IRS1: variants seen among roughly 807,000 people sequenced by gnomAD.
IRS1 encodes the protein insulin receptor substrate 1.
In IRS1, 34 loss-of-function variants were observed where a neutral mutation model predicts 65.6. The ratio of observed to expected loss-of-function variants is 0.52; its 90% CI spans 0.39 to 0.69. The LOEUF is 0.69. Among genes scored for constraint, IRS1 ranks in the 30% least tolerant of loss-of-function variants. IRS1 has a pLI of 0.00. For missense variants in IRS1, 1,641 were observed against 1,720.2 expected, an observed-to-expected ratio of 0.95 and a Z score of 0.81; for synonymous variants, 699 against 683.5, an observed-to-expected ratio of 1.02 and a Z score of -0.35.
chr2:226,741,658 C>A (rs896934093), intron 1 of IRS1, among the ~76,000 whole-genome samples: 5 of 152,058 alleles, frequency 3.3e-5, no homozygotes, highest in African/African-American at 1.2e-4. Context: ...TCAGTTACCT[C>A]ACTGCTGATA....
chr2:226,746,074 C>T (rs1278137467), intron 1 of IRS1, among the ~76,000 whole-genome samples: 1 of 152,106 alleles, frequency 6.6e-6, no homozygotes, highest in Non-Finnish European at 1.5e-5. Context: ...AGGGGAAGAT[C>T]TCAAATGAAT....
chr2:226,755,530 T>G (rs1320073701), intron 1 of IRS1, among the ~76,000 whole-genome samples: 1 of 152,218 alleles, frequency 6.6e-6, no homozygotes, highest in Non-Finnish European at 1.5e-5. Context: ...ATCTAAAATA[T>G]ATATGTTCCT....
intron 1 of IRS1, among the ~76,000 whole-genome samples, chr2:226,751,274 ATTTTTTTTTTTTTT>A (rs35699614): frequency 9.0e-5 from 7 of 77,550 alleles, no homozygotes; most frequent in Non-Finnish European, 1.7e-4. Context: ...CCACACGGGT[ATTTTTTTTTTTTTT>A]TTTTTTTTTT....
chr2:226,779,359 T>C (rs1030914965), intron 1 of IRS1, among the ~76,000 whole-genome samples: 2 of 152,244 alleles, frequency 1.3e-5, no homozygotes, highest in Non-Finnish European at 2.9e-5. Flanking sequence ...TATTTCCATA[T>C]TGTGCTTTAA....
intron 1 of IRS1, among the ~76,000 whole-genome samples, chr2:226,771,314 G>A (rs988856921): frequency 3.3e-5 from 5 of 152,108 alleles, no homozygotes; most frequent in African/African-American, 9.7e-5. Context: ...GGTATCAGCC[G>A]GCTGTCCGGT....
intron 1 of IRS1, among the ~76,000 whole-genome samples, chr2:226,766,161 A>ATTTTTTTTTTTTTTTTT (rs1312915502): frequency 3.7e-4 from 2 of 5,460 alleles, no homozygotes; most frequent in Non-Finnish European, 8.1e-4. Context: ...ATATATATAT[A>ATTTTTTTTTTTTTTTTT]TATTTTTTTT....
rs999481739 is a variant in IRS1, at chr2:226,735,043, C to A, written c.*1229G>T. 6.6e-6 allele frequency: 1 copy of A among 152,082 alleles called. No homozygotes were observed. The highest frequency in any genetic ancestry group is 1.5e-5 in the Non-Finnish European group (1 of 68,032). The allele number at this position is 152,082 out of a possible 1,614,324, so 9.4% of individuals were successfully genotyped here. ...AGTCTTAGGGAAGGTGACACATAGC[C>A]CTGGTCATAATGAAAAACACTTACT... On this transcript the variant is annotated 3_prime_UTR_variant, in exon 2 of 2. Transcript: ENST00000305123.
In IRS1 at chr2:226,764,068, C is replaced by A. The variant is rs551791752; in HGVS notation, c.*22-27818G>T. Among the ~76,000 whole-genome samples the A allele has an allele frequency of 7.3e-5, 11 of 150,198 alleles. No individual in the cohort carries two copies. The East Asian group carries it at 2.0e-3, about 27-fold the overall frequency. On this transcript the variant is annotated intron_variant, in intron 1 of 1. Coordinates refer to ENST00000305123, the MANE Select transcript of IRS1 (RefSeq NM_005544.3). ...TGATGAAAAATGGATCATGGATAAA[C>A]TTCAGCAGAACACACTCCAAGAATC... is the stretch of plus-strand genomic sequence containing the variant.
At chr2:226,762,771 C>T (rs1224992255) in intron 1 of IRS1, among the ~76,000 whole-genome samples, 1 of 152,076 alleles carries the variant, frequency 6.6e-6, no homozygotes, top group South Asian at 2.1e-4. Flanking sequence ...ATAACATTTG[C>T]ACCAGCCGAA....
chr2:226,765,048 C>T lies in IRS1; in HGVS notation c.*22-28798G>A, dbSNP rs557760032. ...TTTTGAATTATATATCCTTAGCTCT[C>T]GCAAGCTTACACTATAGCTTCACCA... On this transcript the variant is annotated intron_variant, in intron 1 of 1. Coordinates refer to ENST00000305123, the MANE Select transcript of IRS1 (RefSeq NM_005544.3). 7.2e-5 allele frequency among the ~76,000 whole-genome samples: 11 copies of T among 152,350 alleles called. No homozygotes were observed. In the East Asian group the frequency reaches 1.3e-3, roughly 19 times the overall value.
chr2:226,759,108 C>T (rs1938863802), intron 1 of IRS1, among the ~76,000 whole-genome samples: 1 of 152,126 alleles, frequency 6.6e-6, no homozygotes, highest in Non-Finnish European at 1.5e-5. Flanking sequence ...GGGGCTGGTG[C>T]AAGGGATTAC....
rs574706880 is a variant in IRS1, at chr2:226,777,636, G to T, written c.*21+17353C>A. Among the ~76,000 whole-genome samples, 15 of 152,266 alleles carry T rather than the reference G, an allele frequency of 9.9e-5. No homozygotes were observed. The East Asian group carries it at 2.9e-3, about 29-fold the overall frequency. On this transcript the variant is annotated intron_variant, in intron 1 of 1. Transcript: ENST00000305123. ...TGGGAGATGATTGAATCATGGGGCG[G>T]GTCTTTCCTGTGCTGCTCTCATGAT... is the stretch of plus-strand genomic sequence containing the variant.
intron 1 of IRS1, among the ~76,000 whole-genome samples, chr2:226,748,033 G>A (rs1938588182): frequency 6.6e-6 from 1 of 151,376 alleles, no homozygotes; most frequent in African/African-American, 2.4e-5. Flanking sequence ...AGCTCAGGGA[G>A]ATAATGAGAT....
Position 226,795,700 on chromosome 2 carries a change from A to G in IRS1, c.3039T>C (p.Ala1013=). The change falls in exon 1 of 2, where the codon GCT becomes GCC. Residue 1013 remains alanine, a synonymous_variant. Coordinates refer to ENST00000305123, the MANE Select transcript of IRS1 (RefSeq NM_005544.3). ...DTSPAAPVSY[A]DMRTGIAAEE... ...CTGCAGCAATGCCTGTTCGCATGTC[A>G]GCATAGCTTACAGGGGCAGCTGGCG... 1.2e-6 allele frequency: 2 copies of G among 1,613,382 alleles called. No individual in the cohort carries two copies. Among genetic ancestry groups the G allele is most frequent in the Non-Finnish European group, 1.7e-6 (2 of 1,180,004 alleles).
chr2:226,794,318 G>C lies in IRS1; in HGVS notation c.*21+671C>G, dbSNP rs564618341. Among the ~76,000 whole-genome samples the C allele has an allele frequency of 1.7e-4, 26 of 152,056 alleles. No homozygotes were observed. The highest frequency in any genetic ancestry group is 3.4e-4 in the Non-Finnish European group (23 of 68,024). ...GTGTGAATAATATTTCACAAATCCTGGTACATGAACAAAAGGAGAACGTCA... is the reference window on the plus strand; with the variant it reads ...GTGTGAATAATATTTCACAAATCCTCGTACATGAACAAAAGGAGAACGTCA... On this transcript the variant is annotated intron_variant, in intron 1 of 1. Transcript: ENST00000305123. This position sits in a 1 kb window ranked among gnomAD's most constrained non-coding sequence, Gnocchi z 4.1.
At position 226,735,421 on chromosome 2, in the gene IRS1, A is replaced by G. The variant is rs1938306798; in HGVS notation, c.*851T>C. The G allele has an allele frequency of 6.6e-6, 1 of 152,180 alleles. No individual in the cohort carries two copies. The highest frequency in any genetic ancestry group is 2.1e-4 in the South Asian group (1 of 4,832). 9.4% of individuals were successfully genotyped at this position (152,180 alleles called of 1,614,324 possible). A position where few individuals can be genotyped will look rare whatever the true frequency, so the allele number is the denominator to read the frequency against. On this transcript the variant is annotated 3_prime_UTR_variant, in exon 2 of 2. Coordinates refer to ENST00000305123, the MANE Select transcript of IRS1 (RefSeq NM_005544.3). Reference sequence around the variant, plus strand: ...ATTCAATTACCAATTTTAAGCTGACATTTGAAAACACCCAGCCAAATATAT... The same window carrying G: ...ATTCAATTACCAATTTTAAGCTGACGTTTGAAAACACCCAGCCAAATATAT...
chr2:226,760,215 A>ACCAT (rs1460647357), intron 1 of IRS1, among the ~76,000 whole-genome samples: 5 of 152,202 alleles, frequency 3.3e-5, no homozygotes, highest in Non-Finnish European at 2.9e-5. Flanking sequence ...GAATAAGTCT[A>ACCAT]CCATCCAAAT....
chr2:226,778,363 A>G (rs1414704771), intron 1 of IRS1, among the ~76,000 whole-genome samples: 1 of 152,206 alleles, frequency 6.6e-6, no homozygotes. Context: ...GTTATCCACT[A>G]GAAAAAGCAA....
chr2:226,796,145 T>TC lies in IRS1; in HGVS notation c.2593dup (p.Asp865GlyfsTer36). 3.1e-6 allele frequency: 5 copies of TC among 1,613,480 alleles called. No homozygotes were observed. Among genetic ancestry groups the TC allele is most frequent in the Non-Finnish European group, 4.2e-6 (5 of 1,179,998 alleles). On this transcript the variant is annotated frameshift_variant, in exon 1 of 2. Coordinates refer to ENST00000305123, the MANE Select transcript of IRS1 (RefSeq NM_005544.3). LOFTEE classifies it high-confidence loss of function. ...CCGAGGTAAGGTGCTGGCCTTGGGA[T>TC]CCCCCAGGGACAGCCTCGTGGGCCG...
Sources: allele counts gnomAD v4.1 joint callset (sites outside exome capture counted in the v4.1 genomes callset), GRCh38; gene constraint gnomAD v4.1.1; non-coding constraint Gnocchi (gnomAD v3.1); transcripts MANE v1.5; gene names NCBI Gene and HGNC (gene_info 2026-07-23, HGNC 2026-07-21).